The following SIN3A variants were observed in gnomAD, a reference collection of about 807,000 sequenced individuals.
The protein encoded by SIN3A is SIN3 transcription regulator family member A, also known as paired amphipathic helix protein Sin3a.
A neutral mutation model predicts 146.1 loss-of-function variants in SIN3A; 14 were observed. The observed-to-expected ratio is 0.10, with a 90% CI of 0.06 to 0.15. The LOEUF is 0.15. Ranked by LOEUF, SIN3A falls within the 10% of genes least tolerant of loss-of-function variation. SIN3A has a pLI of 1.00. For synonymous variants in SIN3A, 572 were observed against 572.0 expected (o/e 1.00, Z 0.00); for missense variants, 1,028 against 1,576.0 (o/e 0.65, Z 5.89).
chr15:75,411,685 T>A lies in SIN3A; in HGVS notation c.815A>T (p.Tyr272Phe). The change falls in exon 6 of 21, where the codon TAT becomes TTT. Residue 272 changes from tyrosine to phenylalanine, a missense_variant. Tyr to Phe is a conservative substitution (Grantham distance 22, BLOSUM62 3). This residue lies in a region of SIN3A where 112 missense variants were observed against 135.7 expected (regional missense o/e 0.83). Transcript: ENST00000394947. ...ASQQTPPLPP[Y>F]ASPRSPPVQP... ...GACCGGCGGAGAACGTGGGGATGCA[T>A]ACGGTGGAAGTGGGGGAGTCTGCTG... is the stretch of plus-strand genomic sequence containing the variant. 1 of 1,613,714 alleles carries A rather than the reference T, an allele frequency of 6.2e-7. No individual in the cohort carries two copies. The highest frequency in any genetic ancestry group is 8.5e-7 in the Non-Finnish European group (1 of 1,179,690).
intron 1 of SIN3A, among the ~76,000 whole-genome samples, chr15:75,438,962 G>T (rs553014997): frequency 6.6e-6 from 1 of 152,098 alleles, no homozygotes; most frequent in Non-Finnish European, 1.5e-5. Context: ...AGAATGAAAG[G>T]CACTCTATTT....
chr15:75,417,837 T>C (rs989412732), intron 3 of SIN3A, among the ~76,000 whole-genome samples: 1 of 152,154 alleles, frequency 6.6e-6, no homozygotes, highest in African/African-American at 2.4e-5. Flanking sequence ...CAGAAAGTGA[T>C]TGTGGAGCCC....
intron 3 of SIN3A, chr15:75,420,602 G>C (rs957280745): frequency 6.6e-6 from 1 of 152,130 alleles, no homozygotes; most frequent in Non-Finnish European, 1.5e-5. Context: ...TGTCAGGCTG[G>C]TCTTGAACTC....
intron 10 of SIN3A, among the ~76,000 whole-genome samples, chr15:75,401,360 T>C (rs566198678): frequency 6.1e-4 from 93 of 152,080 alleles, no homozygotes; most frequent in African/African-American, 2.1e-3. Context: ...AAACACCGTC[T>C]CTACTAAAAA....
intron 3 of SIN3A, chr15:75,421,281 A>G (rs950365016): frequency 6.6e-6 from 1 of 152,236 alleles, no homozygotes; most frequent in Non-Finnish European, 1.5e-5. Flanking sequence ...CCATCACTCT[A>G]CAACAGACTG....
intron 1 of SIN3A, among the ~76,000 whole-genome samples, chr15:75,433,049 C>G (rs1282204974): frequency 6.6e-6 from 1 of 151,790 alleles, no homozygotes; most frequent in Non-Finnish European, 1.5e-5. Flanking sequence ...AAAATAACAA[C>G]AACAAAAAAA....
chr15:75,414,180 T>C, intron 4 of SIN3A, 25 bp downstream of exon 4: 1 of 1,218,670 alleles, frequency 8.2e-7, no homozygotes. Context: ...GATACAAAGC[T>C]TGAGTACAAT....
chr15:75,410,372 T>C lies in SIN3A; in HGVS notation c.1009-86A>G, dbSNP rs542059644. 3 of 1,305,992 alleles carry C rather than the reference T, an allele frequency of 2.3e-6. No individual in the cohort carries two copies. In the South Asian group the frequency reaches 4.0e-5, roughly 17 times the overall value. 80.9% of individuals were successfully genotyped at this position (1,305,992 alleles called of 1,614,324 possible). ...CACGCTTTCTGGAATCACTGTTATC[T>C]ATTTAGGCTGCATGTAAGAAGAAAG... On this transcript the variant is annotated intron_variant, in intron 6 of 20. Coordinates refer to ENST00000394947, the MANE Select transcript of SIN3A (RefSeq NM_001145358.2).
At chr15:75,448,458 C>A (rs1355480497) in intron 1 of SIN3A, among the ~76,000 whole-genome samples, 3 of 150,756 alleles carry the variant, frequency 2.0e-5, no homozygotes, top group Non-Finnish European at 4.4e-5. Context: ...TGCACCACTG[C>A]ACTCCAGCCT....
chr15:75,376,738 G>C (rs570439316), intron 19 of SIN3A, among the ~76,000 whole-genome samples: 19 of 151,352 alleles, frequency 1.3e-4, no homozygotes, highest in Admixed American at 2.6e-4. Context: ...CGTGTGCCTA[G>C]AGTCTCAGCT....
intron 3 of SIN3A, among the ~76,000 whole-genome samples, chr15:75,417,568 G>A (rs539857678): frequency 5.8e-4 from 88 of 151,976 alleles, no homozygotes; most frequent in Non-Finnish European, 9.1e-4. Flanking sequence ...TAGTAGAGAT[G>A]GGATTTCACC....
rs1317699651 is a variant in SIN3A at position 75,392,396 on chromosome 15, G to A, written c.2697C>T (p.His899=). The change falls in exon 15 of 21, where the codon CAC becomes CAT. Residue 899 remains histidine (H), a synonymous_variant. Coordinates refer to ENST00000394947, the MANE Select transcript of SIN3A (RefSeq NM_001145358.2). ...GTAGCAGCCTCAGGCAGAGAATCTG[G>A]TGCAGTCGCATAAAAATATACCAGT... ...NNNWYIFMRL[H]QILCLRLLRI... is the part of the protein sequence containing the mutation. 6.2e-7 allele frequency: 1 copy of A among 1,614,222 alleles called. No homozygotes were observed. Among genetic ancestry groups the A allele is most frequent in the Non-Finnish European group, 8.5e-7 (1 of 1,180,050 alleles).
chr15:75,414,065 T>G, intron 4 of SIN3A, 140 bp downstream of exon 4: 1 of 404,480 alleles, frequency 2.5e-6, no homozygotes, highest in Non-Finnish European at 4.3e-6. Context: ...AATAAAGGTA[T>G]GCATAAAATA....
intron 4 of SIN3A, among the ~76,000 whole-genome samples, chr15:75,413,396 C>T (rs1412385761): frequency 6.6e-6 from 1 of 152,232 alleles, no homozygotes; most frequent in Non-Finnish European, 1.5e-5. Flanking sequence ...GCTGGGATTA[C>T]AGGCATGAGC....
chr15:75,402,059 C>T (rs2073421859), intron 9 of SIN3A, 89 bp from the exon 10 acceptor site: 3 of 801,162 alleles, frequency 3.7e-6, no homozygotes, highest in East Asian at 2.5e-5. Context: ...CAGGAGGAGG[C>T]GCAGTTGTGT....
intron 2 of SIN3A, among the ~76,000 whole-genome samples, chr15:75,426,120 C>T (rs1185313655): frequency 3.3e-5 from 5 of 152,274 alleles, no homozygotes; most frequent in African/African-American, 7.2e-5. Context: ...AGTTTCCATT[C>T]GGAAGAAATT....
In SIN3A at chr15:75,436,684, C is replaced by A. The variant is rs76343573; in HGVS notation, c.-33-6276G>T. On this transcript the variant is annotated intron_variant, in intron 1 of 20. Coordinates refer to ENST00000394947, the MANE Select transcript of SIN3A (RefSeq NM_001145358.2). ...GGTGTTCATTATATTTACTAAAATT[C>A]TATCAACTTTGTTGTGTATTTGGAA... Among the ~76,000 whole-genome samples the A allele has an allele frequency of 8.2e-3, 1,251 of 151,700 alleles. 37 individuals are homozygous for A. The East Asian group carries it at 0.11, about 13-fold the overall frequency.
rs563827580 is a variant in SIN3A at position 75,373,770 on chromosome 15, A to G, written c.3592-1561T>C. ...TATTTTCATTAAAAAAAAAAAAAAGAAAGAAAAAAAGAATGCAGTATATAT... is the reference window on the plus strand; with the variant it reads ...TATTTTCATTAAAAAAAAAAAAAAGGAAGAAAAAAAGAATGCAGTATATAT... On this transcript the variant is annotated intron_variant, in intron 20 of 20. Transcript: ENST00000394947. Among the ~76,000 whole-genome samples the G allele has an allele frequency of 3.0e-4, 46 of 151,500 alleles. 2 individuals carry two copies. The South Asian group carries it at 9.7e-3, about 32-fold the overall frequency.
intron 4 of SIN3A, among the ~76,000 whole-genome samples, chr15:75,413,566 CAG>C (rs1229219783): frequency 6.8e-6 from 1 of 147,136 alleles, no homozygotes; most frequent in Non-Finnish European, 1.5e-5. Flanking sequence ...TTTTTTGAGA[CAG>C]AGTCTCATTC....
Sources: gnomAD v4.1 joint callset for allele counts (sites outside exome capture counted in the v4.1 genomes callset) on GRCh38, gnomAD v4.1.1 for gene constraint, gnomAD v4.1.1 regional missense constraint, MANE v1.5 for transcripts, NCBI Gene and HGNC (gene_info 2026-07-23, HGNC 2026-07-21) for gene names.